Variants in MAN1A2 observed in about 807,000 individuals in gnomAD.
The protein encoded by MAN1A2 is mannosidase alpha class 1A member 2.
MAN1A2 carries 26 observed loss-of-function variants against 75.7 expected under a neutral mutation model. The observed-to-expected ratio is 0.34, with a 90% CI of 0.25 to 0.48. The LOEUF is 0.48. Among genes scored for constraint, MAN1A2 ranks in the 20% least tolerant of loss-of-function variants. MAN1A2 has a pLI of 0.99. For synonymous variants in MAN1A2, 247 were observed against 264.6 expected, an observed-to-expected ratio of 0.93 and a Z score of 0.65; for missense variants, 562 against 775.5, an observed-to-expected ratio of 0.72 and a Z score of 3.27.
intron 12 of MAN1A2, among the ~76,000 whole-genome samples, chr1:117,511,598 G>T (rs946819101): frequency 3.3e-5 from 5 of 151,964 alleles, no homozygotes; most frequent in Non-Finnish European, 7.4e-5. Flanking sequence ...CAGTAAATAT[G>T]TATTGAATTT....
At chr1:117,369,807 C>T (rs976536785) in intron 1 of MAN1A2, among the ~76,000 whole-genome samples, 7 of 152,200 alleles carry the variant, frequency 4.6e-5, no homozygotes, top group South Asian at 2.1e-4. Flanking sequence ...GAAAAATTAA[C>T]GGTGAAAGTA....
At chr1:117,387,873 AAG>A (rs922872986) in intron 1 of MAN1A2, among the ~76,000 whole-genome samples, 38 of 152,112 alleles carry the variant, frequency 2.5e-4, no homozygotes, top group Admixed American at 2.1e-3. Context: ...CTTGTGAAGA[AAG>A]AGACAGCAGC....
chr1:117,389,718 T>C (rs1653658141), intron 1 of MAN1A2, among the ~76,000 whole-genome samples: 1 of 152,118 alleles, frequency 6.6e-6, no homozygotes, highest in Admixed American at 6.5e-5. Flanking sequence ...TTTTTCTTTT[T>C]TTTTTGTGTG....
intron 8 of MAN1A2, among the ~76,000 whole-genome samples, chr1:117,468,327 G>C (rs1014461767): frequency 6.6e-6 from 1 of 152,090 alleles, no homozygotes; most frequent in Non-Finnish European, 1.5e-5. Context: ...TCTCCAGAGT[G>C]TATATATTTG....
At chr1:117,453,895 T>C (rs1649497251) in intron 6 of MAN1A2, among the ~76,000 whole-genome samples, 2 of 152,020 alleles carry the variant, frequency 1.3e-5, no homozygotes, top group Admixed American at 1.3e-4. Flanking sequence ...TTTTAAGAAA[T>C]TGCCCCAGCC....
chr1:117,404,421 C>T (rs1192739636), intron 2 of MAN1A2, among the ~76,000 whole-genome samples: 1 of 152,122 alleles, frequency 6.6e-6, no homozygotes, highest in Non-Finnish European at 1.5e-5. Context: ...CTAAGTGATA[C>T]AAATAGTATT....
intron 12 of MAN1A2, among the ~76,000 whole-genome samples, chr1:117,520,014 A>T (rs1352515576): frequency 6.6e-6 from 1 of 152,104 alleles, no homozygotes; most frequent in African/African-American, 2.4e-5. Flanking sequence ...GGATGCAGGG[A>T]TGGTTTAACA....
At position 117,527,830 on chromosome 1, in the gene MAN1A2, T is replaced by C. The variant is rs2101040026; in HGVS notation, c.*4873T>C. The C allele has an allele frequency of 6.6e-6, 1 of 152,184 alleles. No individual in the cohort carries two copies. The highest frequency in any genetic ancestry group is 2.1e-4 in the South Asian group (1 of 4,824). The allele number at this position is 152,184 out of a possible 1,614,324, so 9.4% of individuals were successfully genotyped here. ...CAAGAATATGATAGAATGTCTGATC[T>C]TTGTGCTGCAGAAAGCAAACTTTTG... is the stretch of plus-strand genomic sequence containing the variant. On this transcript the variant is annotated 3_prime_UTR_variant, in exon 13 of 13. Transcript: ENST00000356554.
chr1:117,484,522 G>A (rs149294651), intron 8 of MAN1A2, among the ~76,000 whole-genome samples: 69 of 152,018 alleles, frequency 4.5e-4, no homozygotes, highest in Admixed American at 1.1e-3. Context: ...ATGAGAAATC[G>A]CTTTTTACTG....
At chr1:117,420,546 T>A (rs1219014844) in intron 4 of MAN1A2, 23 bp from the exon 5 acceptor site, 7 of 1,535,308 alleles carry the variant, frequency 4.6e-6, no homozygotes, top group Non-Finnish European at 5.4e-6. Context: ...TATTTGTGAA[T>A]GTTTTCAATA....
At chr1:117,390,877 A>G (rs2101739361) in intron 1 of MAN1A2, among the ~76,000 whole-genome samples, 1 of 152,070 alleles carries the variant, frequency 6.6e-6, no homozygotes, top group South Asian at 2.1e-4. Flanking sequence ...GGTTCAGGGC[A>G]CTTTCAAATT....
intron 6 of MAN1A2, among the ~76,000 whole-genome samples, chr1:117,460,209 G>A (rs184433008): frequency 1.1e-4 from 16 of 152,288 alleles, no homozygotes; most frequent in Non-Finnish European, 2.4e-4. Context: ...GTAGTAATAT[G>A]TAAGAAACGA....
rs376881945 is a variant in MAN1A2, at chr1:117,425,454, A to G, written c.855+4805A>G. On this transcript the variant is annotated intron_variant, in intron 5 of 12. Coordinates refer to ENST00000356554, the MANE Select transcript of MAN1A2 (RefSeq NM_006699.5). ...TTGTAGATGCAAAAAATTCTCAACA[A>G]TGTATCACAAAATCAAATCTAGCAA... 8.5e-5 allele frequency among the ~76,000 whole-genome samples: 13 copies of G among 152,348 alleles called. No homozygotes were observed. In the East Asian group the frequency reaches 1.5e-3, roughly 18 times the overall value.
At chr1:117,391,919 A>T (rs764119680) in intron 1 of MAN1A2, among the ~76,000 whole-genome samples, 19 of 152,004 alleles carry the variant, frequency 1.2e-4, no homozygotes, top group Non-Finnish European at 8.8e-5. Flanking sequence ...ATGTTTAATC[A>T]CTTGCCTAAA....
At position 117,438,573 on chromosome 1, in the gene MAN1A2, C is replaced by T. The variant is rs1001074798; in HGVS notation, c.856-3658C>T. ...TTCACTCACCACTCATCCTCTGACTCGCCAGAGAATTTTCAGTACTGCAGG... is the reference window on the plus strand; with the variant it reads ...TTCACTCACCACTCATCCTCTGACTTGCCAGAGAATTTTCAGTACTGCAGG... On this transcript the variant is annotated intron_variant, in intron 5 of 12. Transcript: ENST00000356554. 7.9e-5 allele frequency among the ~76,000 whole-genome samples: 12 copies of T among 152,180 alleles called. 1 individual carries two copies. The highest frequency in any genetic ancestry group is 1.3e-4 in the Non-Finnish European group (9 of 68,018).
intron 3 of MAN1A2, among the ~76,000 whole-genome samples, chr1:117,409,446 A>G (rs1278690414): frequency 1.8e-5 from 2 of 112,498 alleles, no homozygotes; most frequent in Non-Finnish European, 3.8e-5. Context: ...CATAATTTTC[A>G]TTCTTTTAAA....
At chr1:117,386,264 A>G (rs1022708995) in intron 1 of MAN1A2, among the ~76,000 whole-genome samples, 3 of 152,226 alleles carry the variant, frequency 2.0e-5, no homozygotes, top group Admixed American at 6.5e-5. Context: ...AGAAATGTAG[A>G]TATAAATAGA....
At chr1:117,450,081 A>G (rs906670683) in intron 6 of MAN1A2, among the ~76,000 whole-genome samples, 2 of 152,224 alleles carry the variant, frequency 1.3e-5, no homozygotes, top group Non-Finnish European at 2.9e-5. Flanking sequence ...GAAGACAGGA[A>G]AATGTGGGAA....
At chr1:117,495,064 A>G (rs1374622114) in intron 9 of MAN1A2, 2 of 151,760 alleles carry the variant, frequency 1.3e-5, no homozygotes, top group African/African-American at 2.4e-5. Context: ...CCAAAGGAAA[A>G]AAATTGTATT....
Sources: gnomAD v4.1 joint callset for allele counts (sites outside exome capture counted in the v4.1 genomes callset) on GRCh38, gnomAD v4.1.1 for gene constraint, MANE v1.5 for transcripts, NCBI Gene and HGNC (gene_info 2026-07-23, HGNC 2026-07-21) for gene names.